Variants in FHAD1 observed in about 807,000 individuals in gnomAD.
FHAD1 encodes the protein forkhead-associated domain-containing protein 1.
Under a neutral mutation model 191.3 loss-of-function variants are expected in FHAD1, and 146 were observed. The ratio of observed to expected loss-of-function variants is 0.76; its 90% CI spans 0.67 to 0.88. FHAD1 has a LOEUF of 0.88. Ranked by LOEUF, FHAD1 falls within the 40% of genes least tolerant of loss-of-function variation. FHAD1 has a pLI of 0.00. For missense variants in FHAD1, 1,635 were observed against 1,785.8 expected, an observed-to-expected ratio of 0.92 and a Z score of 1.52; for synonymous variants, 616 against 672.3, an observed-to-expected ratio of 0.92 and a Z score of 1.29.
intron 23 of FHAD1, among the ~76,000 whole-genome samples, chr1:15,364,929 G>A (rs962155638): frequency 2.0e-5 from 3 of 152,134 alleles, no homozygotes; most frequent in Non-Finnish European, 4.4e-5. Flanking sequence ...TGAGTCTCAG[G>A]GCACCAAACG....
At chr1:15,284,296 C>T (rs1013397561) in intron 3 of FHAD1, among the ~76,000 whole-genome samples, 2 of 151,902 alleles carry the variant, frequency 1.3e-5, no homozygotes, top group African/African-American at 4.8e-5. Context: ...CTGGCTAATA[C>T]GGTGAAACCC....
In FHAD1 at chr1:15,341,736, A is replaced by T. The variant is rs1376539967; in HGVS notation, c.1978A>T (p.Ile660Phe). The T allele has an allele frequency of 5.2e-6, 8 of 1,549,022 alleles. No homozygotes were observed. Among genetic ancestry groups the T allele is most frequent in the Non-Finnish European group, 6.1e-6 (7 of 1,145,658 alleles). Residue 660 changes from isoleucine to phenylalanine, a missense_variant and splice_region_variant, in exon 16 of 34, where the codon ATC becomes TTC. Physicochemically the swap from Ile to Phe is conservative, Grantham distance 21 (BLOSUM62 0). Transcript: ENST00000688493. ...KLMSQAQELQ[I>F]KFNSSQETQQ... ...TCGGTTTACTTTTCTCACATTTCAG[A>T]TCAAGTTCAACAGTTCTCAGGAAAC...
chr1:15,371,196 C>T (rs540904649), intron 26 of FHAD1, among the ~76,000 whole-genome samples: 4 of 152,312 alleles, frequency 2.6e-5, no homozygotes, highest in African/African-American at 9.6e-5. Flanking sequence ...AACTATTGAG[C>T]ACCTGCTGTG....
chr1:15,390,944 C>G (rs1051845364), intron 32 of FHAD1, among the ~76,000 whole-genome samples: 3 of 152,094 alleles, frequency 2.0e-5, no homozygotes, highest in Admixed American at 6.5e-5. Flanking sequence ...TGAGCAGCCT[C>G]CACCTCTGCT....
Position 15,327,012 on chromosome 1 carries a change from C to A in FHAD1, c.1474-47C>A. ...GCCATGGAAACGCTGCCCCCACTTG[C>A]CGGCCCCTGCTGACCCCCTGACACT... On this transcript the variant is annotated intron_variant, in intron 11 of 33. Transcript: ENST00000688493. The surrounding 1 kb of genome is among the most constrained non-coding windows in gnomAD (Gnocchi z 5.1). 1 of 1,287,900 alleles carries A rather than the reference C, an allele frequency of 7.8e-7. No individual in the cohort carries two copies. Among genetic ancestry groups the A allele is most frequent in the Non-Finnish European group, 1.1e-6 (1 of 909,000 alleles). 79.8% of individuals were successfully genotyped at this position (1,287,900 alleles called of 1,614,324 possible). A position where few individuals can be genotyped will look rare whatever the true frequency, so the allele number is the denominator to read the frequency against.
At position 15,295,648 on chromosome 1, in the gene FHAD1, T is replaced by TAC. The variant is rs201662378; in HGVS notation, c.569-1030_569-1029dup. ...CTCTCTCTAAACATATATATATATA[T>TAC]ACACACATACTCATACATATATATT... is the stretch of plus-strand genomic sequence containing the variant. On this transcript the variant is annotated intron_variant, in intron 4 of 33. Coordinates refer to ENST00000688493, the MANE Select transcript of FHAD1 (RefSeq NM_001391957.1). Among the ~76,000 whole-genome samples, 61 of 152,210 alleles carry TAC rather than the reference T, an allele frequency of 4.0e-4. 1 individual carries two copies. The highest frequency in any genetic ancestry group is 1.3e-3 in the African/African-American group (55 of 41,516).
Position 15,349,030 on chromosome 1 carries a change from G to T in FHAD1, c.2347-12G>T, listed in dbSNP as rs765290696. 5.2e-6 allele frequency: 8 copies of T among 1,543,098 alleles called. No individual in the cohort carries two copies. The highest frequency in any genetic ancestry group is 2.6e-6 in the Non-Finnish European group (3 of 1,139,908). On this transcript the variant is annotated splice_polypyrimidine_tract_variant and intron_variant, in intron 18 of 33. Coordinates refer to ENST00000688493, the MANE Select transcript of FHAD1 (RefSeq NM_001391957.1). ...GTGCAGGCCACCAAGAGCACTGGTCGTTGATTTTCAGGTTTTGGAGAGCAG... is the reference window on the plus strand; with the variant it reads ...GTGCAGGCCACCAAGAGCACTGGTCTTTGATTTTCAGGTTTTGGAGAGCAG...
rs529780524 is a variant in FHAD1, at chr1:15,364,902, C to G, written c.3048-925C>G. On this transcript the variant is annotated intron_variant, in intron 23 of 33. Transcript: ENST00000688493. Reference sequence around the variant, plus strand: ...TCACCTCTCCACTGGGCGCAGCCTCCCTCCCATCAACCATCCTGAGTCTCA... The same window carrying G: ...TCACCTCTCCACTGGGCGCAGCCTCGCTCCCATCAACCATCCTGAGTCTCA... Among the ~76,000 whole-genome samples the G allele has an allele frequency of 1.9e-4, 29 of 152,336 alleles. No homozygotes were observed. The South Asian group carries it at 5.8e-3, about 30-fold the overall frequency.
chr1:15,364,388 T>A (rs1477538129), intron 23 of FHAD1: 1 of 152,210 alleles, frequency 6.6e-6, no homozygotes, highest in Non-Finnish European at 1.5e-5. Context: ...GGCGGGTGGA[T>A]CACCTGAAGT....
intron 10 of FHAD1, among the ~76,000 whole-genome samples, chr1:15,321,633 C>T (rs1010034007): frequency 3.3e-5 from 5 of 152,218 alleles, no homozygotes; most frequent in African/African-American, 7.2e-5. Context: ...GTGTTTTCTA[C>T]ATTTCTGATC....
At chr1:15,367,441 C>A in intron 24 of FHAD1, 22 bp from the exon 25 acceptor site, 1 of 1,547,572 alleles carries the variant, frequency 6.5e-7, no homozygotes, top group Non-Finnish European at 8.7e-7. Flanking sequence ...GACCCCCTTA[C>A]CGGCCCTCCT....
chr1:15,359,196 G>A (rs1016527573), intron 21 of FHAD1, among the ~76,000 whole-genome samples: 1 of 152,114 alleles, frequency 6.6e-6, no homozygotes, highest in African/African-American at 2.4e-5. Flanking sequence ...GAGGAGTAAG[G>A]CGAGGATAGG....
intron 1 of FHAD1, among the ~76,000 whole-genome samples, chr1:15,239,536 C>T (rs1471995508): frequency 6.6e-6 from 1 of 152,102 alleles, no homozygotes; most frequent in Non-Finnish European, 1.5e-5. Flanking sequence ...CACAGTGAGC[C>T]GAGACTGTGC....
Position 15,380,768 on chromosome 1 carries a change from C to T in FHAD1, c.3773C>T (p.Ala1258Val), listed in dbSNP as rs1463698096. 1 of 1,551,706 alleles carries T rather than the reference C, an allele frequency of 6.4e-7. No homozygotes were observed. ...AMEKSGKMDV[A>V]EALELSEKLY... The stretch of plus-strand genomic sequence containing the variant: ...GAGAAGTCAGGGAAGATGGATGTGG[C>T]TGAGGCTTTAGAGCTCAGTGAAAAG... The change falls in exon 29 of 34, where the codon GCT becomes GTT. Residue 1258 changes from alanine (A) to valine (V), a missense_variant. Transcript: ENST00000688493.
chr1:15,347,453 A>G (rs1164666983), intron 18 of FHAD1, among the ~76,000 whole-genome samples: 1 of 152,110 alleles, frequency 6.6e-6, no homozygotes, highest in Non-Finnish European at 1.5e-5. Context: ...GCTCCATTCA[A>G]CTGCCAGTGG....
rs77096706 is a variant in FHAD1 at position 15,301,537 on chromosome 1, C to T, written c.915+96C>T. On this transcript the variant is annotated intron_variant, in intron 6 of 33. Coordinates refer to ENST00000688493, the MANE Select transcript of FHAD1 (RefSeq NM_001391957.1). ...AGGTGAGCCACCCAGAGTTAGGGAA[C>T]GCGTGGTCAGTGGAGCATGGTGGTT... 1,220 of 1,022,710 alleles carry T rather than the reference C, an allele frequency of 1.2e-3. 1 individual carries two copies. Among genetic ancestry groups the T allele is most frequent in the Non-Finnish European group, 1.6e-3 (1,088 of 695,358 alleles). 63.4% of individuals were successfully genotyped at this position (1,022,710 alleles called of 1,614,324 possible).
chr1:15,346,850 C>T (rs537918159), intron 18 of FHAD1, among the ~76,000 whole-genome samples: 81 of 152,316 alleles, frequency 5.3e-4, no homozygotes, highest in East Asian at 1.7e-3. Flanking sequence ...CTCGAAGGGG[C>T]GGCTGTGGGC....
chr1:15,353,566 G>A (rs1353163594), intron 20 of FHAD1, among the ~76,000 whole-genome samples: 1 of 151,922 alleles, frequency 6.6e-6, no homozygotes, highest in South Asian at 2.1e-4. Context: ...TTAGCTGGGC[G>A]TGGTGGCACG....
chr1:15,240,334 T>TG (rs1645203178), intron 1 of FHAD1, among the ~76,000 whole-genome samples: 1 of 152,172 alleles, frequency 6.6e-6, no homozygotes, highest in African/African-American at 2.4e-5. Context: ...AATGTGAGCT[T>TG]GAAACTGGAT....
Sources: gnomAD v4.1 joint callset for allele counts (sites outside exome capture counted in the v4.1 genomes callset) on GRCh38, gnomAD v4.1.1 for gene constraint, Gnocchi (gnomAD v3.1) non-coding constraint, MANE v1.5 for transcripts, NCBI Gene and HGNC (gene_info 2026-07-23, HGNC 2026-07-21) for gene names.